Variants in DLGAP2 observed in about 807,000 individuals in gnomAD.
The protein encoded by DLGAP2 is disks large-associated protein 2.
In DLGAP2, 26 loss-of-function variants were observed where a neutral mutation model predicts 100.3. The ratio of observed to expected loss-of-function variants is 0.26; its 90% CI spans 0.19 to 0.36. The LOEUF is 0.36. DLGAP2 is among the 10% of genes least tolerant of loss of function. The pLI is 1.00. For missense variants in DLGAP2, 1,858 were observed against 1,453.2 expected (o/e 1.28, Z -4.53); for synonymous variants, 886 against 630.1 (o/e 1.41, Z -6.08).
chr8:1,420,791 G>A (rs1197741992), intron 3 of DLGAP2, among the ~76,000 whole-genome samples: 4 of 152,118 alleles, frequency 2.6e-5, no homozygotes, highest in Admixed American at 6.6e-5. Flanking sequence ...CAGTGACCTT[G>A]ATTAAAATCC....
rs1039763908 is a variant in DLGAP2, at chr8:1,682,769, C to T, written c.2704+4140C>T. Among the ~76,000 whole-genome samples, 12 of 151,570 alleles carry T rather than the reference C, an allele frequency of 7.9e-5. 1 individual carries two copies. Among genetic ancestry groups the T allele is most frequent in the Non-Finnish European group, 1.3e-4 (9 of 67,724 alleles). ...GATTACAGGTATGAACCACCATGCC[C>T]AGCCAGGATATCTAGTATTTCAGTG... On this transcript the variant is annotated intron_variant, in intron 12 of 14. Transcript: ENST00000637795.
At chr8:1,416,222 C>A (rs1796878844) in intron 3 of DLGAP2, among the ~76,000 whole-genome samples, 2 of 152,136 alleles carry the variant, frequency 1.3e-5, no homozygotes, top group African/African-American at 2.4e-5. Flanking sequence ...AGAGTGGCGA[C>A]CAGATGATTC....
intron 2 of DLGAP2, among the ~76,000 whole-genome samples, chr8:1,061,607 C>T (rs1803084905): frequency 6.6e-6 from 1 of 152,090 alleles, no homozygotes; most frequent in Non-Finnish European, 1.5e-5. Context: ...AGAGCAGCAG[C>T]AGCAGAAACG....
intron 2 of DLGAP2, among the ~76,000 whole-genome samples, chr8:1,203,178 G>T (rs1196251671): frequency 6.6e-6 from 1 of 152,204 alleles, no homozygotes; most frequent in Admixed American, 6.5e-5. Context: ...TTAACACGAT[G>T]TGTGTGTCCT....
intron 1 of DLGAP2, among the ~76,000 whole-genome samples, chr8:877,382 G>A (rs1046074951): frequency 6.6e-6 from 1 of 152,136 alleles, no homozygotes; most frequent in Admixed American, 6.5e-5. Context: ...ATGGTGTTTA[G>A]CCTCTGATGT....
At chr8:1,497,383 C>T (rs986179308) in intron 3 of DLGAP2, among the ~76,000 whole-genome samples, 9 of 152,148 alleles carry the variant, frequency 5.9e-5, no homozygotes, top group South Asian at 2.1e-4. Flanking sequence ...AGGAAGCTTA[C>T]GGTCACGTGA....
intron 2 of DLGAP2, among the ~76,000 whole-genome samples, chr8:1,195,434 G>C (rs931644030): frequency 6.6e-6 from 1 of 152,164 alleles, no homozygotes; most frequent in Non-Finnish European, 1.5e-5. Flanking sequence ...TTTTTAAATG[G>C]GAAACAGGCT....
At position 1,238,092 on chromosome 8, in the gene DLGAP2, TCTCTCAC is replaced by T. The variant is rs1798704003; in HGVS notation, c.74-20758_74-20752del. Among the ~76,000 whole-genome samples the T allele has an allele frequency of 1.3e-4, 2 of 15,750 alleles. 1 individual carries two copies. Among genetic ancestry groups the T allele is most frequent in the Non-Finnish European group, 2.5e-4 (2 of 8,128 alleles). The allele number at this position is 15,750 out of a possible 152,430, so 10.3% of individuals were successfully genotyped here. A position where few individuals can be genotyped will look rare whatever the true frequency, so the allele number is the denominator to read the frequency against. On this transcript the variant is annotated intron_variant, in intron 2 of 14. Coordinates refer to ENST00000637795, the MANE Select transcript of DLGAP2 (RefSeq NM_001346810.2). ...TCTCTCACATGGCGCCGTGTCTAGT[TCTCTCAC>T]ATGGCGCCGTGTCTAGTTACGTCTT...
chr8:1,198,316 C>T (rs553679060), intron 2 of DLGAP2, among the ~76,000 whole-genome samples: 1 of 152,186 alleles, frequency 6.6e-6, no homozygotes, highest in Admixed American at 6.5e-5. Context: ...CCAGAAAAAC[C>T]TCCCTATTGT....
At chr8:1,573,758 T>G (rs1802850721) in intron 6 of DLGAP2, among the ~76,000 whole-genome samples, 1 of 152,114 alleles carries the variant, frequency 6.6e-6, no homozygotes. Flanking sequence ...GCCCGCTCAC[T>G]GGTCATCATG....
chr8:1,226,887 A>G (rs1158525431), intron 2 of DLGAP2, among the ~76,000 whole-genome samples: 1 of 151,992 alleles, frequency 6.6e-6, no homozygotes, highest in African/African-American at 2.4e-5. Context: ...GTGCAGAGAA[A>G]AGGGAACCCC....
Position 1,577,231 on chromosome 8 carries a change from T to G in DLGAP2, c.1442+11337T>G, listed in dbSNP as rs369089015. ...CATTGTACTTAAAATCACAACACAC[T>G]TTTTAACCCCGTAAATACACATACT... On this transcript the variant is annotated intron_variant, in intron 6 of 14. Transcript: ENST00000637795. 2.7e-3 allele frequency among the ~76,000 whole-genome samples: 415 copies of G among 152,094 alleles called. 1 individual carries two copies. Among genetic ancestry groups the G allele is most frequent in the Middle Eastern group, 0.014 (4 of 294 alleles).
At chr8:847,807 C>T (rs1489373690) in intron 1 of DLGAP2, among the ~76,000 whole-genome samples, 4 of 152,164 alleles carry the variant, frequency 2.6e-5, no homozygotes, top group Non-Finnish European at 5.9e-5. Flanking sequence ...CTGCGCCTGG[C>T]CTTTGACTGT....
chr8:1,075,271 G>T (rs752048069), intron 2 of DLGAP2, among the ~76,000 whole-genome samples: 1 of 152,146 alleles, frequency 6.6e-6, no homozygotes, highest in African/African-American at 2.4e-5. Context: ...GTTGAGGAGC[G>T]TGAGGGAAGG....
intron 2 of DLGAP2, among the ~76,000 whole-genome samples, chr8:1,080,161 C>T (rs1037355305): frequency 1.6e-4 from 24 of 152,198 alleles, no homozygotes; most frequent in Middle Eastern, 3.2e-3. Flanking sequence ...TGAGCAGGTG[C>T]GGAGCTCCAC....
At chr8:1,268,155 G>C (rs994940956) in intron 3 of DLGAP2, among the ~76,000 whole-genome samples, 1 of 152,090 alleles carries the variant, frequency 6.6e-6, no homozygotes. Context: ...CAATATCAGA[G>C]GTTCAGGTAT....
chr8:1,314,763 C>G (rs748777626), intron 3 of DLGAP2, among the ~76,000 whole-genome samples: 1 of 152,214 alleles, frequency 6.6e-6, no homozygotes. Flanking sequence ...GGTGCCACTT[C>G]TCTCTCTTTT....
intron 2 of DLGAP2, among the ~76,000 whole-genome samples, chr8:1,029,280 T>G (rs1801906019): frequency 6.6e-6 from 1 of 152,196 alleles, no homozygotes; most frequent in Non-Finnish European, 1.5e-5. Flanking sequence ...TGGCTGAGGC[T>G]GTCTTGGATG....
intron 3 of DLGAP2, among the ~76,000 whole-genome samples, chr8:1,463,875 T>C (rs1453388201): frequency 1.3e-5 from 2 of 152,200 alleles, no homozygotes; most frequent in Non-Finnish European, 2.9e-5. Flanking sequence ...TTTCTTTCCA[T>C]CTTGTGACCT....
Sources: allele counts gnomAD v4.1 joint callset (sites outside exome capture counted in the v4.1 genomes callset), GRCh38; gene constraint gnomAD v4.1.1; transcripts MANE v1.5; gene names NCBI Gene and HGNC (gene_info 2026-07-23, HGNC 2026-07-21).